Variants in CLSTN1 observed in about 807,000 individuals in gnomAD.
CLSTN1 encodes the protein calsyntenin 1, also known as calsyntenin-1.
CLSTN1 carries 28 observed loss-of-function variants against 108.3 expected under a neutral mutation model. The observed-to-expected ratio is 0.26, with a 90% confidence interval of 0.19 to 0.35. The LOEUF (loss-of-function observed/expected upper bound fraction) is 0.35. Among genes scored for constraint, CLSTN1 ranks in the 10% least tolerant of loss-of-function variants. CLSTN1 has a pLI of 1.00. For missense variants in CLSTN1, 1,157 were observed against 1,302.6 expected (o/e 0.89, Z 1.72); for synonymous variants, 524 against 534.9 (o/e 0.98, Z 0.28).
At chr1:9,742,831 C>T (rs1053081632) in intron 9 of CLSTN1, among the ~76,000 whole-genome samples, 1 of 151,974 alleles carries the variant, frequency 6.6e-6, no homozygotes, top group African/African-American at 2.4e-5. Context: ...TCGCTTGAAC[C>T]CGGGAGGTGG....
At chr1:9,777,824 G>A (rs1653030930) in intron 1 of CLSTN1, among the ~76,000 whole-genome samples, 1 of 152,070 alleles carries the variant, frequency 6.6e-6, no homozygotes, top group Non-Finnish European at 1.5e-5. Flanking sequence ...ATGAGAAAAC[G>A]GCAAATAATG....
chr1:9,729,723 A>AAATT lies in CLSTN1; in HGVS notation c.*781_*784dup, dbSNP rs988672219. ...GGCCAGGGACCCCGCACCCCACACC[A>AAATT]AATTAGGAACAGGTAGAATCCCAAA... is the stretch of plus-strand genomic sequence containing the variant. On this transcript the variant is annotated 3_prime_UTR_variant, in exon 19 of 19. Transcript: ENST00000377298. 7.2e-5 allele frequency: 11 copies of AAATT among 152,654 alleles called. No homozygotes were observed. Among genetic ancestry groups the AAATT allele is most frequent in the Admixed American group, 6.5e-4 (10 of 15,304 alleles). The allele number at this position is 152,654 out of a possible 1,614,324, so 9.5% of individuals were successfully genotyped here.
At chr1:9,798,634 T>C (rs1457439380) in intron 1 of CLSTN1, among the ~76,000 whole-genome samples, 2 of 152,106 alleles carry the variant, frequency 1.3e-5, no homozygotes, top group Non-Finnish European at 2.9e-5. Context: ...AGGTTTTCTT[T>C]TGGGATGACG....
chr1:9,782,829 A>G (rs1653310635), intron 1 of CLSTN1, among the ~76,000 whole-genome samples: 1 of 152,100 alleles, frequency 6.6e-6, no homozygotes, highest in Non-Finnish European at 1.5e-5. Flanking sequence ...CAACATGGTA[A>G]AACCCCGCCT....
chr1:9,809,425 G>A (rs1437393598), intron 1 of CLSTN1, among the ~76,000 whole-genome samples: 3 of 152,092 alleles, frequency 2.0e-5, no homozygotes, highest in East Asian at 1.9e-4. Flanking sequence ...TAACATGAAC[G>A]GCCTCTTAAT....
chr1:9,766,284 G>A (rs960192669), intron 2 of CLSTN1, among the ~76,000 whole-genome samples: 2 of 152,172 alleles, frequency 1.3e-5, no homozygotes, highest in Non-Finnish European at 2.9e-5. Context: ...GACAAGAACA[G>A]AATGCATCAT....
intron 1 of CLSTN1, among the ~76,000 whole-genome samples, chr1:9,803,601 G>A (rs1227761040): frequency 7.9e-5 from 12 of 152,068 alleles, no homozygotes; most frequent in African/African-American, 2.4e-4. Flanking sequence ...TCAGGAGTTC[G>A]AGACCAGTCT....
chr1:9,785,898 G>A (rs988062164), intron 1 of CLSTN1, among the ~76,000 whole-genome samples: 58 of 151,882 alleles, frequency 3.8e-4, no homozygotes, highest in African/African-American at 1.3e-3. Flanking sequence ...CATTAAGGCC[G>A]GGCACGGTAG....
rs185377116 is a variant in CLSTN1 at position 9,807,018 on chromosome 1, G to T, written c.91+16625C>A. On this transcript the variant is annotated intron_variant, in intron 1 of 18. Coordinates refer to ENST00000377298, the MANE Select transcript of CLSTN1 (RefSeq NM_001009566.3). ...TGTTCTACAGTAAGGGCGTGGGGGG[G>T]GGTCTGGAGCAGCATTGCCTAAAGT... Among the ~76,000 whole-genome samples the T allele has an allele frequency of 2.7e-3, 414 of 152,110 alleles. No homozygotes were observed. The Middle Eastern group carries it at 0.031, about 11-fold the overall frequency.
intron 1 of CLSTN1, among the ~76,000 whole-genome samples, chr1:9,817,864 G>A (rs115796037): frequency 0.022 from 3,371 of 152,156 alleles, 135 homozygotes; most frequent in African/African-American, 0.07. Flanking sequence ...TCTAGTTCCC[G>A]GGTGGTGGCA....
At chr1:9,772,239 C>T (rs1190287934) in intron 2 of CLSTN1, among the ~76,000 whole-genome samples, 2 of 151,212 alleles carry the variant, frequency 1.3e-5, no homozygotes, top group Non-Finnish European at 2.9e-5. Context: ...CCCGCCTCGG[C>T]CTCCCAGAGT....
At position 9,743,724 on chromosome 1, in the gene CLSTN1, GT is replaced by G. The variant is rs140596224; in HGVS notation, c.1356+159del. On this transcript the variant is annotated intron_variant, in intron 9 of 18. Transcript: ENST00000377298. ...CACCATGCCCAGCTAATTTTCGTGG[GT>G]TTTTTTTTTTTTGTAGGGACAGGAT... Among the ~76,000 whole-genome samples, 838 of 143,494 alleles carry G rather than the reference GT, an allele frequency of 5.8e-3. 3 individuals are homozygous for G. The highest frequency in any genetic ancestry group is 0.016 in the African/African-American group (647 of 39,432). 94.1% of individuals were successfully genotyped at this position (143,494 alleles called of 152,430 possible).
At chr1:9,802,108 T>G (rs1487046155) in intron 1 of CLSTN1, among the ~76,000 whole-genome samples, 1 of 152,206 alleles carries the variant, frequency 6.6e-6, no homozygotes, top group African/African-American at 2.4e-5. Flanking sequence ...TTAAGTAAGA[T>G]GTCCAAGATT....
intron 10 of CLSTN1, 51 bp from the exon 11 acceptor site, chr1:9,737,605 C>T (rs1650761695): frequency 1.3e-6 from 2 of 1,539,768 alleles, no homozygotes; most frequent in African/African-American, 1.4e-5. Flanking sequence ...AGGTTAGGGT[C>T]TTCAAACCGG....
At chr1:9,753,167 C>T (rs1230351336) in intron 4 of CLSTN1, among the ~76,000 whole-genome samples, 5 of 152,162 alleles carry the variant, frequency 3.3e-5, no homozygotes, top group Admixed American at 6.5e-5. Context: ...TCATAAGGAG[C>T]GCACAACCTA....
At position 9,751,542 on chromosome 1, in the gene CLSTN1, G is replaced by C. The variant is rs1485720686; in HGVS notation, c.580C>G (p.Pro194Ala). Residue 194 changes from proline to alanine, a missense_variant, in exon 5 of 19, where the codon CCT (proline) becomes GCT (alanine). Transcript: ENST00000377298. ...RVEAVDADCS[P>A]QFSQICSYEI... ...TAGCTGCAAATCTGGCTGAACTGAGGGGAGCAGTCGGCATCCACGGCCTCC... is the reference window on the plus strand; with the variant it reads ...TAGCTGCAAATCTGGCTGAACTGAGCGGAGCAGTCGGCATCCACGGCCTCC... The C allele has an allele frequency of 6.2e-7, 1 of 1,614,094 alleles. No individual in the cohort carries two copies. The highest frequency in any genetic ancestry group is 2.2e-5 in the East Asian group (1 of 44,874).
intron 1 of CLSTN1, among the ~76,000 whole-genome samples, chr1:9,803,824 A>AT (rs912953844): frequency 6.6e-6 from 1 of 151,952 alleles, no homozygotes; most frequent in South Asian, 2.1e-4. Flanking sequence ...ATAAAATTAA[A>AT]TTTTTTTTAA....
In CLSTN1 at chr1:9,744,391, C is replaced by T. The variant is rs760986463; in HGVS notation, c.1234+4G>A. 5.6e-6 allele frequency: 9 copies of T among 1,606,446 alleles called. No individual in the cohort carries two copies. Among genetic ancestry groups the T allele is most frequent in the Non-Finnish European group, 7.6e-6 (9 of 1,177,638 alleles). ...TGGCATCGCTTGCAGAGCTATTACCCTACCTGTTTTATCAGAACTGCAAAG... is the reference window on the plus strand; with the variant it reads ...TGGCATCGCTTGCAGAGCTATTACCTTACCTGTTTTATCAGAACTGCAAAG... On this transcript the variant is annotated splice_donor_region_variant and intron_variant, in intron 8 of 18. Coordinates refer to ENST00000377298, the MANE Select transcript of CLSTN1 (RefSeq NM_001009566.3).
chr1:9,735,818 C>A (rs1411664601), intron 12 of CLSTN1, 67 bp downstream of exon 12: 2 of 1,589,256 alleles, frequency 1.3e-6, no homozygotes, highest in African/African-American at 2.7e-5. Context: ...CTCCCTCATC[C>A]CACCAGCCTC....
Sources: allele counts gnomAD v4.1 joint callset (sites outside exome capture counted in the v4.1 genomes callset), GRCh38; gene constraint gnomAD v4.1.1; transcripts MANE v1.5; gene names NCBI Gene and HGNC (gene_info 2026-07-23, HGNC 2026-07-21).